FRMD5: variants seen among roughly 807,000 people sequenced by gnomAD.
The protein encoded by FRMD5 is FERM domain-containing protein 5.
Under a neutral mutation model 69.0 loss-of-function variants are expected in FRMD5, and 20 were observed. That is an observed-to-expected ratio of 0.29 (90% CI 0.20 to 0.42). The LOEUF (loss-of-function observed/expected upper bound fraction) is 0.42. FRMD5 is among the 10% of genes least tolerant of loss of function. The pLI, the probability that FRMD5 is intolerant of heterozygous loss-of-function variation, is 1.00. For synonymous variants in FRMD5, 271 were observed against 260.1 expected (o/e 1.04, Z -0.40); for missense variants, 595 against 708.6 (o/e 0.84, Z 1.82).
At chr15:44,130,174 C>G (rs2077079282) in intron 1 of FRMD5, among the ~76,000 whole-genome samples, 1 of 152,222 alleles carries the variant, frequency 6.6e-6, no homozygotes, top group Non-Finnish European at 1.5e-5. Context: ...AGGTTGCTAA[C>G]ACTCGTCACC....
intron 1 of FRMD5, chr15:43,989,828 T>A (rs973547267): frequency 1.9e-6 from 2 of 1,033,312 alleles, no homozygotes; most frequent in African/African-American, 1.6e-5. Flanking sequence ...ATCTGGGTCA[T>A]CTTCTTGTGG....
chr15:44,038,144 G>T (rs374134655), intron 1 of FRMD5, among the ~76,000 whole-genome samples: 132 of 151,770 alleles, frequency 8.7e-4, no homozygotes, highest in African/African-American at 1.6e-3. Context: ...TTTTGATGGG[G>T]TTTTTTTTAT....
intron 1 of FRMD5, 97 bp downstream of exon 1, chr15:44,194,856 T>C: frequency 9.9e-7 from 1 of 1,015,176 alleles, no homozygotes; most frequent in Middle Eastern, 2.1e-4. Context: ...GCGCTGGGGC[T>C]GGGGCGACCC....
chr15:44,016,766 G>T (rs949170637), intron 1 of FRMD5, among the ~76,000 whole-genome samples: 1 of 151,466 alleles, frequency 6.6e-6, no homozygotes, highest in Non-Finnish European at 1.5e-5. Context: ...TTCGAGTCTA[G>T]CTACTACAAT....
At chr15:43,928,865 T>C (rs931837535) in intron 1 of FRMD5, among the ~76,000 whole-genome samples, 1 of 152,162 alleles carries the variant, frequency 6.6e-6, no homozygotes, top group Non-Finnish European at 1.5e-5. Flanking sequence ...CCTGAGGACA[T>C]TTATCTTCAG....
At chr15:44,166,215 T>C (rs530479420) in intron 1 of FRMD5, among the ~76,000 whole-genome samples, 1 of 152,350 alleles carries the variant, frequency 6.6e-6, no homozygotes, top group South Asian at 2.1e-4. Flanking sequence ...CTAATTGTAA[T>C]TCCTCATTGT....
chr15:44,013,243 A>G (rs1366850313), intron 1 of FRMD5, among the ~76,000 whole-genome samples: 1 of 152,200 alleles, frequency 6.6e-6, no homozygotes, highest in Non-Finnish European at 1.5e-5. Flanking sequence ...TTTTGAAAAA[A>G]TTAGCTGGGC....
At chr15:44,173,713 C>G (rs1379774190) in intron 1 of FRMD5, among the ~76,000 whole-genome samples, 1 of 151,982 alleles carries the variant, frequency 6.6e-6, no homozygotes, top group African/African-American at 2.4e-5. Context: ...AGGGTTTCAC[C>G]ATGTTGCCCA....
chr15:43,890,327 G>A (rs1326970102), intron 8 of FRMD5, among the ~76,000 whole-genome samples: 1 of 152,344 alleles, frequency 6.6e-6, no homozygotes, highest in African/African-American at 2.4e-5. Flanking sequence ...AAGAAGTGGT[G>A]CATGAGAGAA....
intron 10 of FRMD5, 129 bp downstream of exon 10, chr15:43,888,046 A>G: frequency 1.5e-6 from 1 of 646,816 alleles, no homozygotes; most frequent in Non-Finnish European, 2.7e-6. Flanking sequence ...CTGGCTTCTC[A>G]GTAACTGTCA....
chr15:44,174,844 T>A (rs558924870), intron 1 of FRMD5, among the ~76,000 whole-genome samples: 1 of 152,114 alleles, frequency 6.6e-6, no homozygotes, highest in Admixed American at 6.6e-5. Context: ...TTTAAAAAAA[T>A]TCAGTTCAAA....
intron 1 of FRMD5, among the ~76,000 whole-genome samples, chr15:43,941,950 A>G (rs2089871479): frequency 6.6e-6 from 1 of 152,200 alleles, no homozygotes; most frequent in Non-Finnish European, 1.5e-5. Flanking sequence ...TATTAAGAGA[A>G]TTACTGATGC....
intron 1 of FRMD5, among the ~76,000 whole-genome samples, chr15:44,154,664 A>T (rs2077499449): frequency 6.6e-6 from 1 of 152,222 alleles, no homozygotes; most frequent in African/African-American, 2.4e-5. Flanking sequence ...TGCAACTATT[A>T]TATCTGCACA....
intron 1 of FRMD5, among the ~76,000 whole-genome samples, chr15:44,043,290 G>C (rs2140321958): frequency 6.6e-6 from 1 of 152,218 alleles, no homozygotes; most frequent in South Asian, 2.1e-4. Context: ...CAAACAAATG[G>C]AAAAACATTC....
At chr15:44,195,822 G>A (rs769574173), upstream of FRMD5, among the ~76,000 whole-genome samples, 15 of 152,330 alleles carry the variant, frequency 9.8e-5, no homozygotes, top group Middle Eastern at 3.4e-3. Flanking sequence ...TTAAATAAAA[G>A]CTAAAGGGAC....
intron 1 of FRMD5, among the ~76,000 whole-genome samples, chr15:43,950,003 G>C (rs369438987): frequency 5.1e-4 from 78 of 152,304 alleles, no homozygotes; most frequent in African/African-American, 1.8e-3. Context: ...ACTTGCATTG[G>C]TCATCACAAT....
intron 13 of FRMD5, chr15:43,876,194 T>A (rs1360154300): frequency 1.2e-6 from 2 of 1,600,482 alleles, no homozygotes; most frequent in African/African-American, 2.7e-5. Flanking sequence ...TCCCAGAGGC[T>A]GCACCCCCTT....
At chr15:44,141,029 T>TA (rs970112493) in intron 1 of FRMD5, among the ~76,000 whole-genome samples, 6 of 151,782 alleles carry the variant, frequency 4.0e-5, no homozygotes, top group East Asian at 1.9e-4. Flanking sequence ...TGTAATTTTT[T>TA]AAAAAAAACC....
chr15:44,132,500 C>A lies in FRMD5; in HGVS notation c.102+62453G>T, dbSNP rs1399299957. ...CTGGGGTGCAGTGGCATGATCTCTG[C>A]TCACTGCATCCTCGACTTCCTGGAC... is the stretch of plus-strand genomic sequence containing the variant. On this transcript the variant is annotated intron_variant, in intron 1 of 13. Transcript: ENST00000417257. 4.8e-4 allele frequency among the ~76,000 whole-genome samples: 73 copies of A among 152,144 alleles called. 1 individual carries two copies. The highest frequency in any genetic ancestry group is 4.4e-5 in the Non-Finnish European group (3 of 68,014).
Sources: allele counts gnomAD v4.1 joint callset (sites outside exome capture counted in the v4.1 genomes callset), GRCh38; gene constraint gnomAD v4.1.1; transcripts MANE v1.5; gene names NCBI Gene and HGNC (gene_info 2026-07-23, HGNC 2026-07-21).